SMG6: variants seen among roughly 807,000 people sequenced by gnomAD.
SMG6 encodes the protein SMG6 nonsense mediated mRNA decay factor.
A neutral mutation model predicts 142.2 loss-of-function variants in SMG6; 66 were observed. The ratio of observed to expected loss-of-function variants is 0.46; its 90% CI spans 0.38 to 0.57. SMG6 has a LOEUF of 0.57. SMG6 is among the 20% of genes least tolerant of loss of function. The pLI is 0.00. For synonymous variants in SMG6, 779 were observed against 702.4 expected, an observed-to-expected ratio of 1.11 and a Z score of -1.72; for missense variants, 1,793 against 1,832.0, an observed-to-expected ratio of 0.98 and a Z score of 0.39.
chr17:2,070,716 G>A (rs2068076762), intron 15 of SMG6, among the ~76,000 whole-genome samples: 2 of 152,202 alleles, frequency 1.3e-5, no homozygotes, highest in South Asian at 2.1e-4. Context: ...GCAGGCATGA[G>A]AAATGCAGCT....
At chr17:2,204,131 G>A (rs1036332773) in intron 10 of SMG6, among the ~76,000 whole-genome samples, 6 of 151,938 alleles carry the variant, frequency 3.9e-5, no homozygotes, top group African/African-American at 1.5e-4. Flanking sequence ...GCCCAGCTAA[G>A]GATTTTTAAA....
chr17:2,150,124 C>T (rs1459336678), intron 13 of SMG6, among the ~76,000 whole-genome samples: 3 of 152,210 alleles, frequency 2.0e-5, no homozygotes, highest in Admixed American at 1.3e-4. Context: ...CAAGCAAGAC[C>T]GCCTGAGCTC....
chr17:2,219,073 A>G (rs1198136569), intron 10 of SMG6, among the ~76,000 whole-genome samples: 2 of 152,218 alleles, frequency 1.3e-5, no homozygotes, highest in Non-Finnish European at 2.9e-5. Flanking sequence ...ATTGTGCCAA[A>G]GACTGTAAAA....
intron 13 of SMG6, among the ~76,000 whole-genome samples, chr17:2,152,630 A>G (rs943886982): frequency 1.3e-5 from 2 of 152,252 alleles, no homozygotes; most frequent in African/African-American, 4.8e-5. Context: ...GAGAAATGCG[A>G]ATTAAAATCA....
intron 10 of SMG6, among the ~76,000 whole-genome samples, chr17:2,216,355 TAAGAA>T (rs2073019452): frequency 6.6e-6 from 1 of 152,010 alleles, no homozygotes; most frequent in South Asian, 2.1e-4. Flanking sequence ...AGTTTGGGGC[TAAGAA>T]AAGGGGGGGA....
intron 15 of SMG6, among the ~76,000 whole-genome samples, chr17:2,080,416 T>C (rs978839460): frequency 2.6e-5 from 4 of 152,168 alleles, no homozygotes; most frequent in African/African-American, 9.7e-5. Flanking sequence ...AGACTCTGTC[T>C]CAAAACAAAA....
chr17:2,090,645 C>T (rs749108003), intron 13 of SMG6, among the ~76,000 whole-genome samples: 17 of 152,166 alleles, frequency 1.1e-4, no homozygotes, highest in Non-Finnish European at 1.9e-4. Context: ...TTGGAGAAAT[C>T]GGAGTTTAAA....
At chr17:2,081,368 G>A (rs1164138431) in intron 15 of SMG6, among the ~76,000 whole-genome samples, 1 of 152,040 alleles carries the variant, frequency 6.6e-6, no homozygotes, top group African/African-American at 2.4e-5. Context: ...GTCCAGAGGA[G>A]TCTTCCATTT....
At chr17:2,208,610 T>C (rs2072759100) in intron 10 of SMG6, among the ~76,000 whole-genome samples, 1 of 152,238 alleles carries the variant, frequency 6.6e-6, no homozygotes, top group Admixed American at 6.5e-5. Flanking sequence ...AAGTGGCTAC[T>C]ACAAGTAAGG....
intron 12 of SMG6, among the ~76,000 whole-genome samples, chr17:2,180,950 C>A (rs1344462672): frequency 6.6e-6 from 1 of 152,174 alleles, no homozygotes; most frequent in African/African-American, 2.4e-5. Flanking sequence ...CACTAAACAG[C>A]AGCCATTTCA....
chr17:2,126,620 G>A (rs959987201), intron 13 of SMG6, among the ~76,000 whole-genome samples: 1 of 150,796 alleles, frequency 6.6e-6, no homozygotes, highest in Non-Finnish European at 1.5e-5. Flanking sequence ...GAAAGGCGGG[G>A]CACAAGAATC....
intron 13 of SMG6, among the ~76,000 whole-genome samples, chr17:2,107,686 T>C (rs532273525): frequency 1.3e-5 from 2 of 152,264 alleles, no homozygotes; most frequent in South Asian, 4.1e-4. Context: ...GTGAGGGTTA[T>C]TTAACTTGGA....
chr17:2,103,776 A>G (rs2069077051), intron 13 of SMG6, among the ~76,000 whole-genome samples: 1 of 151,982 alleles, frequency 6.6e-6, no homozygotes, highest in South Asian at 2.1e-4. Context: ...CCTATAGGAG[A>G]CTGAGCACAC....
intron 1 of SMG6, chr17:2,303,117 G>A (rs1296768316): frequency 4.1e-6 from 4 of 985,326 alleles, no homozygotes; most frequent in Non-Finnish European, 4.8e-6. Flanking sequence ...GTAGTCTGAG[G>A]TCCCGGATCC....
chr17:2,088,540 A>G, intron 13 of SMG6: 1 of 985,432 alleles, frequency 1.0e-6, no homozygotes, highest in Non-Finnish European at 1.2e-6. Flanking sequence ...GATATGCAAA[A>G]GGCTGTGATC....
In SMG6 at chr17:2,255,572, G is replaced by A. The variant is rs114145563; in HGVS notation, c.2662-10853C>T. On this transcript the variant is annotated intron_variant, in intron 8 of 18. Coordinates refer to ENST00000263073, the MANE Select transcript of SMG6 (RefSeq NM_017575.5). ...CCCGTCCGGGAGGGAGGTGGCGGGCGCCTCCGCCCGGCCAGCCGCCCCGTC... is the reference window on the plus strand; with the variant it reads ...CCCGTCCGGGAGGGAGGTGGCGGGCACCTCCGCCCGGCCAGCCGCCCCGTC... 1,507 of 155,424 alleles carry A rather than the reference G, an allele frequency of 9.7e-3. 26 individuals carry two copies. Among genetic ancestry groups the A allele is most frequent in the African/African-American group, 0.034 (1,409 of 41,530 alleles). The allele number at this position is 155,424 out of a possible 1,614,324, so 9.6% of individuals were successfully genotyped here. A position where few individuals can be genotyped will look rare whatever the true frequency, so the allele number is the denominator to read the frequency against.
In SMG6 at chr17:2,070,359, G is replaced by C. The variant is rs531504577; in HGVS notation, c.3682-1428C>G. 1.1e-3 allele frequency among the ~76,000 whole-genome samples: 166 copies of C among 152,338 alleles called. 1 individual carries two copies. The highest frequency in any genetic ancestry group is 3.6e-3 in the African/African-American group (148 of 41,568). On this transcript the variant is annotated intron_variant, in intron 15 of 18. Coordinates refer to ENST00000263073, the MANE Select transcript of SMG6 (RefSeq NM_017575.5). ...CATGCTCCCTGAGTAGGGAGGTGGAGGGCACCCACACAAACCTGGCGGGGC... is the reference window on the plus strand; with the variant it reads ...CATGCTCCCTGAGTAGGGAGGTGGACGGCACCCACACAAACCTGGCGGGGC...
chr17:2,206,520 G>A (rs886990184), intron 10 of SMG6, among the ~76,000 whole-genome samples: 71 of 152,052 alleles, frequency 4.7e-4, no homozygotes, highest in Admixed American at 1.4e-3. Flanking sequence ...TCAAGGCTGC[G>A]GTGAGCTATA....
At chr17:2,296,913 T>C (rs1190281657) in intron 4 of SMG6, among the ~76,000 whole-genome samples, 1 of 150,356 alleles carries the variant, frequency 6.7e-6, no homozygotes, top group Admixed American at 6.7e-5. Context: ...GAGAATCCCT[T>C]AAACCTGGGA....
Sources: gnomAD v4.1 joint callset for allele counts (sites outside exome capture counted in the v4.1 genomes callset) on GRCh38, gnomAD v4.1.1 for gene constraint, MANE v1.5 for transcripts, NCBI Gene and HGNC (gene_info 2026-07-23, HGNC 2026-07-21) for gene names.